ZNF267: variants seen among roughly 807,000 people sequenced by gnomAD.
ZNF267 encodes zinc finger (C2H2).
In ZNF267, 61 loss-of-function variants were observed where a neutral mutation model predicts 71.6. The observed-to-expected ratio is 0.85, with a 90% CI of 0.69 to 1.05. The LOEUF (loss-of-function observed/expected upper bound fraction) is 1.05, where lower values mean the gene tolerates loss of function less well. Among genes scored for constraint, ZNF267 ranks in the 50% least tolerant of loss-of-function variants. The pLI is 0.00. For synonymous variants in ZNF267, 288 were observed against 293.2 expected (o/e 0.98, Z 0.18); for missense variants, 852 against 870.0 (o/e 0.98, Z 0.26).
chr16:31,886,363 G>A lies in ZNF267; in HGVS notation c.226+1107G>A, dbSNP rs562637592. On this transcript the variant is annotated intron_variant, in intron 3 of 3. Coordinates refer to ENST00000300870, the MANE Select transcript of ZNF267 (RefSeq NM_003414.6). ...GAGGAATCCGATCACACAGCAGGAG[G>A]TGTGACCATTGGGCCAGCAAGCATT... Among the ~76,000 whole-genome samples, 3 of 152,300 alleles carry A rather than the reference G, an allele frequency of 2.0e-5. No individual in the cohort carries two copies. In the South Asian group the frequency reaches 6.2e-4, roughly 32 times the overall value.
At chr16:31,890,866 T>G (rs2083955590) in intron 3 of ZNF267, among the ~76,000 whole-genome samples, 1 of 152,258 alleles carries the variant, frequency 6.6e-6, no homozygotes, top group Admixed American at 6.5e-5. Flanking sequence ...TCCATCACAA[T>G]GGCTATTAAA....
chr16:31,889,559 A>G (rs1379597008), intron 3 of ZNF267, among the ~76,000 whole-genome samples: 3 of 152,176 alleles, frequency 2.0e-5, no homozygotes, highest in South Asian at 2.1e-4. Context: ...GTATTAGTCT[A>G]TTCTATAAAG....
chr16:31,885,372 C>G, intron 3 of ZNF267, 116 bp downstream of exon 3: 2 of 852,204 alleles, frequency 2.3e-6, no homozygotes, highest in East Asian at 5.8e-5. Context: ...TTTGAGACAC[C>G]TGGCTTTATT....
chr16:31,905,601 G>A (rs2084082693), intron 3 of ZNF267, among the ~76,000 whole-genome samples: 1 of 152,134 alleles, frequency 6.6e-6, no homozygotes, highest in South Asian at 2.1e-4. Context: ...TTGTGCATTC[G>A]TCACGTAGTT....
At chr16:31,879,794 A>G (rs1446161217) in intron 1 of ZNF267, among the ~76,000 whole-genome samples, 1 of 152,222 alleles carries the variant, frequency 6.6e-6, no homozygotes, top group Non-Finnish European at 1.5e-5. Flanking sequence ...AAACTGATTC[A>G]GAGACCATGG....
chr16:31,909,270 T>C (rs1348210095), intron 3 of ZNF267, among the ~76,000 whole-genome samples: 2 of 151,854 alleles, frequency 1.3e-5, no homozygotes, highest in Non-Finnish European at 2.9e-5. Context: ...TAGCTGGGAC[T>C]CCAGGCATGC....
intron 3 of ZNF267, among the ~76,000 whole-genome samples, chr16:31,897,317 C>T (rs1294972133): frequency 6.6e-6 from 1 of 152,082 alleles, no homozygotes; most frequent in Non-Finnish European, 1.5e-5. Context: ...CAACTTTATT[C>T]TTTCCCATGC....
intron 3 of ZNF267, among the ~76,000 whole-genome samples, chr16:31,907,397 A>G (rs914733757): frequency 2.0e-5 from 3 of 152,118 alleles, no homozygotes; most frequent in Non-Finnish European, 4.4e-5. Context: ...CCTGACTTCA[A>G]AATTTCAAAT....
At chr16:31,902,588 CTGTT>C (rs772717702) in intron 3 of ZNF267, among the ~76,000 whole-genome samples, 43 of 151,688 alleles carry the variant, frequency 2.8e-4, no homozygotes, top group South Asian at 4.2e-4. Flanking sequence ...ATTTGGCTCT[CTGTT>C]TGTCTGTTAT....
intron 1 of ZNF267, among the ~76,000 whole-genome samples, chr16:31,881,048 G>A (rs1312971900): frequency 2.6e-5 from 4 of 152,180 alleles, no homozygotes; most frequent in African/African-American, 7.2e-5. Flanking sequence ...AGGGCCACCC[G>A]TGGACAAAAG....
intron 3 of ZNF267, among the ~76,000 whole-genome samples, chr16:31,885,791 C>T (rs1198415560): frequency 2.0e-5 from 3 of 152,206 alleles, no homozygotes; most frequent in African/African-American, 7.2e-5. Flanking sequence ...AAATACAAGG[C>T]ATCTTCCCAA....
At chr16:31,887,784 G>C (rs1353044478) in intron 3 of ZNF267, among the ~76,000 whole-genome samples, 1 of 152,050 alleles carries the variant, frequency 6.6e-6, no homozygotes, top group Non-Finnish European at 1.5e-5. Context: ...TAGTATAGCT[G>C]TGTAATAGTT....
chr16:31,873,924 G>A lies in ZNF267; in HGVS notation c.-43G>A. ...TTGCTCTGCGACTTGCAGGCACTGGGAGATTCGTAGCTAAGACGCCAGGGC... is the reference window on the plus strand; with the variant it reads ...TTGCTCTGCGACTTGCAGGCACTGGAAGATTCGTAGCTAAGACGCCAGGGC... On this transcript the variant is annotated 5_prime_UTR_variant, in exon 1 of 4. Transcript: ENST00000300870. 1 of 1,613,712 alleles carries A rather than the reference G, an allele frequency of 6.2e-7. No homozygotes were observed. The highest frequency in any genetic ancestry group is 1.3e-5 in the African/African-American group (1 of 75,010).
chr16:31,894,803 G>A, intron 3 of ZNF267: 1 of 495,772 alleles, frequency 2.0e-6, no homozygotes, highest in Admixed American at 2.3e-5. Flanking sequence ...GCTGTTCCCT[G>A]CATACATTGA....
intron 1 of ZNF267, among the ~76,000 whole-genome samples, chr16:31,878,851 A>T (rs1172852754): frequency 1.3e-5 from 2 of 152,242 alleles, no homozygotes; most frequent in Non-Finnish European, 2.9e-5. Context: ...TGTGAGCTCA[A>T]GACCATGGCG....
At position 31,916,280 on chromosome 16, in the gene ZNF267, A is replaced by C; in HGVS notation, c.2031A>C (p.Thr677=). Residue 677 remains threonine, a synonymous_variant, in exon 4 of 4, where the codon ACA becomes ACC. Transcript: ENST00000300870. ...TCAACTCTAGGTCATACCTCACTACACATCGGAGAAGACATACTGGAGAGA... is the reference window on the plus strand; with the variant it reads ...TCAACTCTAGGTCATACCTCACTACCCATCGGAGAAGACATACTGGAGAGA... ...KAFNSRSYLT[T]HRRRHTGERP... 1 of 1,613,998 alleles carries C rather than the reference A, an allele frequency of 6.2e-7. No individual in the cohort carries two copies. Among genetic ancestry groups the C allele is most frequent in the Non-Finnish European group, 8.5e-7 (1 of 1,179,984 alleles).
At chr16:31,879,664 A>G (rs1025764315) in intron 1 of ZNF267, among the ~76,000 whole-genome samples, 1 of 152,176 alleles carries the variant, frequency 6.6e-6, no homozygotes, top group African/African-American at 2.4e-5. Context: ...CTTTCTGCTT[A>G]CTTGGGATCT....
At chr16:31,897,012 T>C (rs1167303488) in intron 3 of ZNF267, among the ~76,000 whole-genome samples, 2 of 152,116 alleles carry the variant, frequency 1.3e-5, no homozygotes, top group Admixed American at 6.5e-5. Flanking sequence ...GCTAGGTATC[T>C]TAATTTTAGT....
At chr16:31,894,479 GT>G in intron 3 of ZNF267, 1 of 459,974 alleles carries the variant, frequency 2.2e-6, no homozygotes. Context: ...CTATTCTGTT[GT>G]TTAAGAATCA....
Sources: gnomAD v4.1 joint callset for allele counts (sites outside exome capture counted in the v4.1 genomes callset) on GRCh38, gnomAD v4.1.1 for gene constraint, MANE v1.5 for transcripts, NCBI Gene and HGNC (gene_info 2026-07-23, HGNC 2026-07-21) for gene names.